Variants in TIPARP observed in about 807,000 individuals in gnomAD.
TIPARP encodes the protein protein mono-ADP-ribosyltransferase TIPARP.
TIPARP carries 12 observed loss-of-function variants against 56.5 expected under a neutral mutation model. That is an observed-to-expected ratio of 0.21 (90% CI 0.14 to 0.34). The LOEUF is 0.34. Ranked by LOEUF, TIPARP falls within the 10% of genes least tolerant of loss-of-function variation. The probability of loss-of-function intolerance (pLI) is 1.00; values close to 1 mark genes in which losing one functional copy is unlikely to be tolerated. For synonymous variants in TIPARP, 296 were observed against 265.7 expected (o/e 1.11, Z -1.11); for missense variants, 604 against 781.6 (o/e 0.77, Z 2.71).
intron 2 of TIPARP, among the ~76,000 whole-genome samples, chr3:156,683,769 G>A (rs1203562632): frequency 6.6e-6 from 1 of 152,048 alleles, no homozygotes; most frequent in Non-Finnish European, 1.5e-5. Flanking sequence ...TCTGGGTTTG[G>A]GTGCTATTCC....
intron 2 of TIPARP, among the ~76,000 whole-genome samples, 200 bp downstream of exon 2, chr3:156,678,814 G>A (rs771214717): frequency 6.6e-6 from 1 of 152,144 alleles, no homozygotes; most frequent in Admixed American, 6.5e-5. Flanking sequence ...AAAGTTTTAC[G>A]ATTTGAACAA....
chr3:156,678,095 G>T lies in TIPARP; in HGVS notation c.398G>T (p.Arg133Leu), dbSNP rs147956353. 2.0e-5 allele frequency: 32 copies of T among 1,613,964 alleles called. No individual in the cohort carries two copies. The East Asian group carries it at 7.1e-4, about 36-fold the overall frequency. ...EAHPSTEAPE[R>L]VVPIQDHSFP... ...CATCCTTCCACTGAAGCTCCAGAAC[G>T]AGTGGTTCCAATCCAAGATCACAGC... The change falls in exon 2 of 6, where the codon CGA becomes CTA. Residue 133 changes from arginine to leucine, a missense_variant. Arg to Leu is a moderately radical substitution (Grantham distance 102). Coordinates refer to ENST00000295924, the MANE Select transcript of TIPARP (RefSeq NM_015508.5).
chr3:156,705,162 T>C lies in TIPARP; in HGVS notation c.*31T>C, dbSNP rs761445789. ...CTTGGTACTGCTAAATTATTTGATA[T>C]GAACTCAATCCAGCATTTGTAGCAG... On this transcript the variant is annotated 3_prime_UTR_variant, in exon 6 of 6. Transcript: ENST00000295924. The C allele has an allele frequency of 2.0e-6, 3 of 1,497,488 alleles. No homozygotes were observed. The highest frequency in any genetic ancestry group is 2.7e-6 in the Non-Finnish European group (3 of 1,111,014). The allele number at this position is 1,497,488 out of a possible 1,614,324, so 92.8% of individuals were successfully genotyped here.
intron 4 of TIPARP, 122 bp downstream of exon 4, chr3:156,696,147 C>A: frequency 1.9e-6 from 2 of 1,028,842 alleles, no homozygotes; most frequent in Non-Finnish European, 2.7e-6. Flanking sequence ...TGTGAAATTC[C>A]AAATTAGTCT....
chr3:156,683,486 C>T (rs1312862759), intron 2 of TIPARP, among the ~76,000 whole-genome samples: 2 of 151,996 alleles, frequency 1.3e-5, no homozygotes, highest in South Asian at 2.1e-4. Context: ...GAAGCACTTC[C>T]GATTTTCAGA....
At chr3:156,697,182 T>C (rs898150701) in intron 4 of TIPARP, among the ~76,000 whole-genome samples, 2 of 152,188 alleles carry the variant, frequency 1.3e-5, no homozygotes, top group Non-Finnish European at 2.9e-5. Context: ...GCCATTTCTG[T>C]GATTTTACTA....
chr3:156,694,208 T>G lies in TIPARP; in HGVS notation c.1086+20T>G, dbSNP rs1219106155. 6.4e-7 allele frequency: 1 copy of G among 1,563,030 alleles called. No individual in the cohort carries two copies. Among genetic ancestry groups the G allele is most frequent in the East Asian group, 2.3e-5 (1 of 43,874 alleles). On this transcript the variant is annotated intron_variant, in intron 3 of 5. Coordinates refer to ENST00000295924, the MANE Select transcript of TIPARP (RefSeq NM_015508.5). ...CCCGAGGTATTTACAGATTCTTTGT[T>G]GACAAGTACATTTTTCAAATTTATT... is the stretch of plus-strand genomic sequence containing the variant.
At position 156,704,939 on chromosome 3, in the gene TIPARP, C is replaced by T. The variant is rs1425478395; in HGVS notation, c.1782C>T (p.Gly594=). ...HFMFLAKVLT[G]RYTMGSHGMR... ...TGTTTCTGGCCAAAGTGCTGACGGG[C>T]AGATACACAATGGGCAGTCATGGCA... is the stretch of plus-strand genomic sequence containing the variant. The change falls in exon 6 of 6, where the codon GGC becomes GGT. Residue 594 remains glycine, a synonymous_variant. Transcript: ENST00000295924. 1.9e-6 allele frequency: 3 copies of T among 1,614,200 alleles called. No individual in the cohort carries two copies. Among genetic ancestry groups the T allele is most frequent in the Admixed American group, 3.3e-5 (2 of 60,030 alleles).
intron 4 of TIPARP, among the ~76,000 whole-genome samples, chr3:156,702,593 C>T (rs1722879201): frequency 6.6e-6 from 1 of 152,188 alleles, no homozygotes; most frequent in East Asian, 1.9e-4. Context: ...TGGCCCTGAA[C>T]TAGGTCTCAG....
At chr3:156,690,058 C>G (rs1421055789) in intron 2 of TIPARP, among the ~76,000 whole-genome samples, 1 of 152,078 alleles carries the variant, frequency 6.6e-6, no homozygotes, top group Admixed American at 6.6e-5. Flanking sequence ...AATGTGTCTA[C>G]TTTAAATTAC....
intron 2 of TIPARP, among the ~76,000 whole-genome samples, chr3:156,680,455 C>T (rs900895364): frequency 6.6e-6 from 1 of 152,192 alleles, no homozygotes; most frequent in Admixed American, 6.5e-5. Flanking sequence ...CAAAGCCACT[C>T]TAATCCTTCT....
At chr3:156,675,301 C>G (rs1041366235) in intron 1 of TIPARP, 4 of 152,396 alleles carry the variant, frequency 2.6e-5, no homozygotes, top group African/African-American at 9.6e-5. Flanking sequence ...GTCTTCCTCC[C>G]CGCCGCCGCG....
At chr3:156,695,357 G>C (rs1029018784) in intron 3 of TIPARP, among the ~76,000 whole-genome samples, 1 of 152,012 alleles carries the variant, frequency 6.6e-6, no homozygotes, top group Non-Finnish European at 1.5e-5. Flanking sequence ...GGGACTACAG[G>C]TGCATGCCAC....
chr3:156,686,795 C>T (rs979158630), intron 2 of TIPARP, among the ~76,000 whole-genome samples: 6 of 151,898 alleles, frequency 4.0e-5, no homozygotes, highest in African/African-American at 1.5e-4. Flanking sequence ...TAAATGAGTG[C>T]TGAATTGAGG....
intron 2 of TIPARP, among the ~76,000 whole-genome samples, chr3:156,685,410 C>T (rs1722406549): frequency 1.3e-5 from 2 of 152,218 alleles, no homozygotes; most frequent in South Asian, 4.1e-4. Context: ...TATTCCTTTT[C>T]ACCTTCTACA....
In TIPARP at chr3:156,678,318, T is replaced by A; in HGVS notation, c.621T>A (p.Ser207Arg). ...QYILDTSDKL[S>R]TELFQDKSEE... ...TTCTGGACACCAGTGATAAGCTGAGTACTGAGCTCTTTCAGGACAAAAGTG... is the reference window on the plus strand; with the variant it reads ...TTCTGGACACCAGTGATAAGCTGAGAACTGAGCTCTTTCAGGACAAAAGTG... Residue 207 changes from serine (S) to arginine (R), a missense_variant, in exon 2 of 6, where the codon AGT becomes AGA. This residue lies in a region of TIPARP where 261 missense variants were observed against 279.2 expected (regional missense o/e 0.93). Transcript: ENST00000295924. 6 of 1,614,216 alleles carry A rather than the reference T, an allele frequency of 3.7e-6. No individual in the cohort carries two copies. Among genetic ancestry groups the A allele is most frequent in the Non-Finnish European group, 5.1e-6 (6 of 1,180,036 alleles).
At chr3:156,696,491 T>C (rs774856724) in intron 4 of TIPARP, among the ~76,000 whole-genome samples, 6 of 152,236 alleles carry the variant, frequency 3.9e-5, no homozygotes, top group African/African-American at 9.6e-5. Context: ...TCAAATAATT[T>C]ACATTCTCAT....
At chr3:156,698,393 A>G (rs1356823333) in intron 4 of TIPARP, among the ~76,000 whole-genome samples, 1 of 152,208 alleles carries the variant, frequency 6.6e-6, no homozygotes, top group East Asian at 1.9e-4. Context: ...TCATAGGTAG[A>G]GAGAAGTTGA....
At chr3:156,695,397 T>G (rs1345076934) in intron 3 of TIPARP, among the ~76,000 whole-genome samples, 9 of 151,992 alleles carry the variant, frequency 5.9e-5, no homozygotes, top group Non-Finnish European at 1.2e-4. Context: ...TTTTTTATTT[T>G]TTGTGGAGAC....
Sources: allele counts gnomAD v4.1 joint callset (sites outside exome capture counted in the v4.1 genomes callset), GRCh38; gene constraint gnomAD v4.1.1; regional missense constraint gnomAD v4.1.1; transcripts MANE v1.5; gene names NCBI Gene and HGNC (gene_info 2026-07-23, HGNC 2026-07-21).